Variants in KHDRBS1 observed in about 807,000 individuals in gnomAD.
KHDRBS1 encodes the protein KH domain-containing, RNA-binding, signal transduction-associated protein 1.
Under a neutral mutation model 48.4 loss-of-function variants are expected in KHDRBS1, and 7 were observed. That is an observed-to-expected ratio of 0.14 (90% CI 0.08 to 0.27). The LOEUF (loss-of-function observed/expected upper bound fraction) is 0.27. Ranked by LOEUF, KHDRBS1 falls within the 10% of genes least tolerant of loss-of-function variation. The pLI is 1.00. For missense variants in KHDRBS1, 458 were observed against 601.2 expected (o/e 0.76, Z 2.49); for synonymous variants, 241 against 235.8 (o/e 1.02, Z -0.20).
intron 3 of KHDRBS1, among the ~76,000 whole-genome samples, chr1:32,031,903 G>A (rs148836915): frequency 9.2e-5 from 14 of 152,266 alleles, no homozygotes; most frequent in East Asian, 5.8e-4. Context: ...AGCATGTTGC[G>A]CATTGGTAGG....
At position 32,038,534 on chromosome 1, in the gene KHDRBS1, T is replaced by C. The variant is rs1430280795; in HGVS notation, c.1108-18T>C. 2.5e-6 allele frequency: 4 copies of C among 1,609,600 alleles called. No individual in the cohort carries two copies. The East Asian group carries it at 8.9e-5, about 36-fold the overall frequency. On this transcript the variant is annotated intron_variant, in intron 6 of 8. Coordinates refer to ENST00000327300, the MANE Select transcript of KHDRBS1 (RefSeq NM_006559.3). ...GATTTTGATCTTTTATTTCATTTTTTTGTTGTTGTTGTTCTAGGGATATGA... is the reference window on the plus strand; with the variant it reads ...GATTTTGATCTTTTATTTCATTTTTCTGTTGTTGTTGTTCTAGGGATATGA...
intron 10 of KHDRBS1, among the ~76,000 whole-genome samples, chr1:32,051,670 C>T (rs141177358): frequency 6.6e-6 from 1 of 152,158 alleles, no homozygotes; most frequent in Non-Finnish European, 1.5e-5. Context: ...CATAGAGTCT[C>T]CAGGGTGGAC....
chr1:32,016,300 TACTTTTATTATCCTC>T (rs1348903222), intron 1 of KHDRBS1, among the ~76,000 whole-genome samples: 2 of 152,062 alleles, frequency 1.3e-5, no homozygotes, highest in Non-Finnish European at 2.9e-5. Flanking sequence ...AATGAGAACT[TACTTTTATTATCCTC>T]ACTTATACAG....
chr1:32,042,646 A>G lies in KHDRBS1; in HGVS notation c.*22A>G, dbSNP rs1346346616. The G allele has an allele frequency of 7.0e-7, 1 of 1,430,542 alleles. No homozygotes were observed. The highest frequency in any genetic ancestry group is 1.1e-5 in the South Asian group (1 of 87,086). 88.6% of individuals were successfully genotyped at this position (1,430,542 alleles called of 1,614,324 possible). A position where few individuals can be genotyped will look rare whatever the true frequency, so the allele number is the denominator to read the frequency against. ...TTAAAAACAAACATGAGGGGAAAAT[A>G]TCAGTTATGAGCAAAGTTGTTACTG... On this transcript the variant is annotated 3_prime_UTR_variant, in exon 9 of 9. Coordinates refer to ENST00000327300, the MANE Select transcript of KHDRBS1 (RefSeq NM_006559.3).
rs1311620080 is a variant in KHDRBS1 at position 32,014,304 on chromosome 1, C to T, written c.309C>T (p.Tyr103=). ...ASVKMEPENK[Y]LPELMAEKDS... Reference sequence around the variant, plus strand: ...TCAAGATGGAGCCAGAGAACAAGTACCTGCCCGAACTCATGGCCGAGAAGG... The same window carrying T: ...TCAAGATGGAGCCAGAGAACAAGTATCTGCCCGAACTCATGGCCGAGAAGG... Residue 103 remains tyrosine (Y), a synonymous_variant, in exon 1 of 9, where the codon TAC becomes TAT. Transcript: ENST00000327300. 2.6e-6 allele frequency: 4 copies of T among 1,559,110 alleles called. No individual in the cohort carries two copies. The highest frequency in any genetic ancestry group is 2.5e-5 in the East Asian group (1 of 40,370).
intron 1 of KHDRBS1, among the ~76,000 whole-genome samples, chr1:32,025,548 G>A (rs1399064856): frequency 2.7e-5 from 4 of 150,624 alleles, no homozygotes; most frequent in Admixed American, 1.3e-4. Context: ...TGATCCACCC[G>A]CCTCAGCCTC....
chr1:32,038,010 C>T lies in KHDRBS1; in HGVS notation c.1081C>T (p.Pro361Ser). Residue 361 changes from proline to serine, a missense_variant, in exon 6 of 9, where the codon CCT becomes TCT. Physicochemically the swap from Pro to Ser is moderately conservative, Grantham distance 74. Transcript: ENST00000327300. ...CCAGAGGATACCTTTGCCTCCACCT[C>T]CTGCACCAGAAACATATGAAGAATA... ...GIQRIPLPPP[P>S]APETYEEYGY... is the part of the protein sequence containing the mutation. The T allele has an allele frequency of 6.2e-7, 1 of 1,614,168 alleles. No individual in the cohort carries two copies. The highest frequency in any genetic ancestry group is 8.5e-7 in the Non-Finnish European group (1 of 1,180,016).
At chr1:32,031,461 A>C in intron 2 of KHDRBS1, 63 bp from the exon 3 acceptor site, 2 of 1,031,844 alleles carry the variant, frequency 1.9e-6, no homozygotes, top group Non-Finnish European at 2.9e-6. Flanking sequence ...AAGTGAGGTA[A>C]TTTATGTGGA....
intron 1 of KHDRBS1, among the ~76,000 whole-genome samples, chr1:32,024,699 T>A (rs1191819832): frequency 6.6e-6 from 1 of 150,568 alleles, no homozygotes; most frequent in South Asian, 2.1e-4. Context: ...TTAACCTCTT[T>A]GAGTTTTTGT....
chr1:32,037,120 G>A (rs1639199142), intron 5 of KHDRBS1, 77 bp downstream of exon 5: 1 of 1,489,062 alleles, frequency 6.7e-7, no homozygotes, highest in Non-Finnish European at 9.2e-7. Flanking sequence ...GTGCTCTTAT[G>A]TCTAGCTTAG....
At chr1:32,037,392 C>T (rs1569803884) in intron 5 of KHDRBS1, among the ~76,000 whole-genome samples, 3 of 150,616 alleles carry the variant, frequency 2.0e-5, no homozygotes, top group Non-Finnish European at 3.0e-5. Context: ...TGCAGTGAGC[C>T]GAGATCATGC....
In KHDRBS1 at chr1:32,042,705, AC is replaced by A; in HGVS notation, c.*84del. The A allele has an allele frequency of 2.4e-6, 2 of 844,878 alleles. No homozygotes were observed. The highest frequency in any genetic ancestry group is 3.9e-6 in the Non-Finnish European group (2 of 508,398). The allele number at this position is 844,878 out of a possible 1,614,324, so 52.3% of individuals were successfully genotyped here. A position where few individuals can be genotyped will look rare whatever the true frequency, so the allele number is the denominator to read the frequency against. On this transcript the variant is annotated 3_prime_UTR_variant, in exon 9 of 9. Transcript: ENST00000327300. ...TATCTCCCAGGATTCCTGTTGCTTTACCCACAACAGACAAGTAATTGTCTAA... is the reference window on the plus strand; with the variant it reads ...TATCTCCCAGGATTCCTGTTGCTTTACCACAACAGACAAGTAATTGTCTAA...
chr1:32,044,453 A>T (rs566938682), downstream of KHDRBS1, among the ~76,000 whole-genome samples: 1 of 152,318 alleles, frequency 6.6e-6, no homozygotes, highest in East Asian at 1.9e-4. Context: ...CCAAGAGAGG[A>T]AGTGATGGAA....
intron 1 of KHDRBS1, among the ~76,000 whole-genome samples, chr1:32,016,167 A>G (rs1338688622): frequency 6.6e-6 from 1 of 151,250 alleles, no homozygotes; most frequent in Non-Finnish European, 1.5e-5. Flanking sequence ...AACAAGAGCT[A>G]AACTCCATCT....
chr1:32,016,538 T>A (rs1638744296), intron 1 of KHDRBS1, among the ~76,000 whole-genome samples: 1 of 151,520 alleles, frequency 6.6e-6, no homozygotes, highest in Non-Finnish European at 1.5e-5. Context: ...TATTTGAAAG[T>A]ATCACAGTGT....
downstream of KHDRBS1, among the ~76,000 whole-genome samples, chr1:32,047,607 A>G (rs1163832777): frequency 6.6e-6 from 1 of 152,214 alleles, no homozygotes; most frequent in Non-Finnish European, 1.5e-5. Flanking sequence ...GAAGTTGATG[A>G]TAATACCTGA....
At chr1:32,040,473 T>G (rs1639262715) in intron 8 of KHDRBS1, among the ~76,000 whole-genome samples, 1 of 151,984 alleles carries the variant, frequency 6.6e-6, no homozygotes, top group Non-Finnish European at 1.5e-5. Context: ...AGCCAATAAT[T>G]CAGGACAGTA....
intron 1 of KHDRBS1, among the ~76,000 whole-genome samples, chr1:32,029,604 C>G (rs1413695970): frequency 6.6e-6 from 1 of 152,134 alleles, no homozygotes; most frequent in Non-Finnish European, 1.5e-5. Context: ...TTGCAGTGAG[C>G]CGAGATCATG....
chr1:32,050,771 C>T (rs1007096403), intron 10 of KHDRBS1, among the ~76,000 whole-genome samples: 6 of 152,054 alleles, frequency 3.9e-5, no homozygotes, highest in South Asian at 2.1e-4. Context: ...CCACCCACCT[C>T]GGCCTCCCAA....
Sources: gnomAD v4.1 joint callset for allele counts (sites outside exome capture counted in the v4.1 genomes callset) on GRCh38, gnomAD v4.1.1 for gene constraint, MANE v1.5 for transcripts, NCBI Gene and HGNC (gene_info 2026-07-23, HGNC 2026-07-21) for gene names.